The following ZFHX3 variants were observed in gnomAD, a reference collection of about 807,000 sequenced individuals.
ZFHX3 encodes zinc finger homeobox protein 3.
ZFHX3 carries 42 observed loss-of-function variants against 279.1 expected under a neutral mutation model. That is an observed-to-expected ratio of 0.15 (90% CI 0.12 to 0.19). The LOEUF (loss-of-function observed/expected upper bound fraction) is 0.19, where lower values mean the gene tolerates loss of function less well. ZFHX3 is among the 10% of genes least tolerant of loss of function. ZFHX3 has a pLI of 1.00. For missense variants in ZFHX3, 4,981 were observed against 4,754.0 expected, an observed-to-expected ratio of 1.05 and a Z score of -1.40; for synonymous variants, 2,293 against 1,957.8, an observed-to-expected ratio of 1.17 and a Z score of -4.52.
intron 3 of ZFHX3, among the ~76,000 whole-genome samples, chr16:73,329,399 T>C (rs1260550618): frequency 6.6e-6 from 1 of 152,288 alleles, no homozygotes; most frequent in African/African-American, 2.4e-5. Context: ...ATGGAGTTGT[T>C]TCTTAGCGTC....
intron 1 of ZFHX3, among the ~76,000 whole-genome samples, chr16:73,724,959 G>A (rs773178472): frequency 1.3e-5 from 2 of 152,042 alleles, no homozygotes; most frequent in Admixed American, 6.6e-5. Context: ...TGCCATAAAA[G>A]TAAAGCAAGA....
chr16:73,219,049 G>A (rs1487009869), intron 5 of ZFHX3, among the ~76,000 whole-genome samples: 1 of 152,144 alleles, frequency 6.6e-6, no homozygotes, highest in African/African-American at 2.4e-5. Context: ...CCTACAATAT[G>A]TAGCCCTTTG....
At chr16:73,172,218 C>T (rs1967545464) in intron 5 of ZFHX3, among the ~76,000 whole-genome samples, 1 of 152,224 alleles carries the variant, frequency 6.6e-6, no homozygotes. Flanking sequence ...ACAGCAAGTC[C>T]GGCAGCCCCG....
At chr16:72,826,076 G>A (rs2036921764) in intron 5 of ZFHX3, among the ~76,000 whole-genome samples, 1 of 152,100 alleles carries the variant, frequency 6.6e-6, no homozygotes, top group Admixed American at 6.6e-5. Flanking sequence ...CCAGTGCCTC[G>A]CATGGGGTAG....
At chr16:73,221,770 T>G (rs2144921156) in intron 5 of ZFHX3, among the ~76,000 whole-genome samples, 1 of 152,286 alleles carries the variant, frequency 6.6e-6, no homozygotes, top group Non-Finnish European at 1.5e-5. Context: ...TAGCAGTGAT[T>G]TGTAAACTAT....
intron 4 of ZFHX3, among the ~76,000 whole-genome samples, chr16:72,875,653 A>C (rs1373102279): frequency 6.6e-6 from 1 of 152,350 alleles, no homozygotes; most frequent in East Asian, 1.9e-4. Flanking sequence ...ATGCAGCCAA[A>C]AACTTAAAGA....
At chr16:73,535,926 G>C (rs971665982) in intron 2 of ZFHX3, among the ~76,000 whole-genome samples, 3 of 151,886 alleles carry the variant, frequency 2.0e-5, no homozygotes, top group Non-Finnish European at 4.4e-5. Context: ...GTTTCACCAT[G>C]TTAGCCAGGA....
intron 1 of ZFHX3, among the ~76,000 whole-genome samples, chr16:73,815,166 T>C (rs897509015): frequency 2.6e-5 from 4 of 152,208 alleles, no homozygotes; most frequent in Admixed American, 6.5e-5. Context: ...CCAATTATAA[T>C]AGCATCTATT....
rs551274053 is a variant in ZFHX3 at position 73,090,064 on chromosome 16, G to A, written c.-533+3171C>T. 3.3e-5 allele frequency among the ~76,000 whole-genome samples: 5 copies of A among 152,160 alleles called. No individual in the cohort carries two copies. The South Asian group carries it at 6.2e-4, about 19-fold the overall frequency. ...GCTGAGGCACTTTTTTTCCTAATCC[G>A]TGCTCTCCAAGTTCACTGTAATAAC... On this transcript the variant is annotated intron_variant, in intron 8 of 17. Transcript: ENST00000641206.
rs571638524 is a variant in ZFHX3 at position 73,844,865 on chromosome 16, GGT to G, written c.-1608+46784_-1608+46785del. 1.6e-3 allele frequency among the ~76,000 whole-genome samples: 244 copies of G among 152,054 alleles called. 1 individual carries two copies. The highest frequency in any genetic ancestry group is 5.7e-3 in the African/African-American group (236 of 41,476). On this transcript the variant is annotated intron_variant, in intron 1 of 17. Transcript: ENST00000641206. ...GGATTGATAGATGGATAGGTAGGTAGGTAGGTAGGTAGGCGGATGGTAGGAAG... is the reference window on the plus strand; with the variant it reads ...GGATTGATAGATGGATAGGTAGGTAGAGGTAGGTAGGCGGATGGTAGGAAG...
At chr16:73,532,158 C>T (rs928885485) in intron 2 of ZFHX3, among the ~76,000 whole-genome samples, 1 of 151,980 alleles carries the variant, frequency 6.6e-6, no homozygotes, top group Non-Finnish European at 1.5e-5. Context: ...TTGTCTGCGT[C>T]CCCACCCAAA....
intron 7 of ZFHX3, chr16:72,809,654 A>G (rs1458949061): frequency 6.6e-6 from 1 of 152,168 alleles, no homozygotes; most frequent in Admixed American, 6.5e-5. Context: ...ATCACTTACA[A>G]CGTTATTCAT....
intron 1 of ZFHX3, among the ~76,000 whole-genome samples, chr16:73,760,009 G>GTTT (rs5817877): frequency 0.48 from 69,003 of 144,632 alleles, 16,443 homozygotes; most frequent in Non-Finnish European, 0.52. Flanking sequence ...TCCAGGAGCT[G>GTTT]TTTTTTTTTA....
chr16:73,168,211 T>TTTTATTTCTTTCTTTCTTTC (rs71391499), intron 5 of ZFHX3, among the ~76,000 whole-genome samples: 8 of 95,222 alleles, frequency 8.4e-5, no homozygotes, highest in African/African-American at 2.8e-4. Context: ...GTTTCTTTTG[T>TTTTATTTCTTTCTTTCTTTC]TTTCTTTCTT....
Position 73,272,949 on chromosome 16 carries a change from G to A in ZFHX3, c.-1193-15813C>T, listed in dbSNP as rs115771331. On this transcript the variant is annotated intron_variant, in intron 4 of 17. Transcript: ENST00000641206. ...TTTTGTAGAGATGGGATCTCCCTAT[G>A]TTTCCTGGGCTGGTCTTGAACTACT... 4.9e-3 allele frequency among the ~76,000 whole-genome samples: 749 copies of A among 152,162 alleles called. 8 individuals carry two copies. The highest frequency in any genetic ancestry group is 0.017 in the African/African-American group (716 of 41,514).
At chr16:73,062,933 G>A (rs1399783439), upstream of ZFHX3, among the ~76,000 whole-genome samples, 1 of 152,220 alleles carries the variant, frequency 6.6e-6, no homozygotes, top group Non-Finnish European at 1.5e-5. Flanking sequence ...TTCCATAAAT[G>A]CAGACATGCC....
At chr16:73,879,883 C>T (rs1358826957) in intron 1 of ZFHX3, among the ~76,000 whole-genome samples, 1 of 151,982 alleles carries the variant, frequency 6.6e-6, no homozygotes, top group Non-Finnish European at 1.5e-5. Flanking sequence ...GTTAGATGTC[C>T]CCTGGGGAAG....
At chr16:73,509,942 T>C (rs963165492) in intron 2 of ZFHX3, among the ~76,000 whole-genome samples, 9 of 152,188 alleles carry the variant, frequency 5.9e-5, no homozygotes, top group Non-Finnish European at 1.0e-4. Flanking sequence ...GTGATCCACC[T>C]GTCTCAGCGT....
chr16:73,823,279 G>C (rs1347032743), intron 1 of ZFHX3, among the ~76,000 whole-genome samples: 1 of 152,130 alleles, frequency 6.6e-6, no homozygotes, highest in African/African-American at 2.4e-5. Context: ...ATGGCAGGCA[G>C]AGGAACTAAA....
Sources: allele counts gnomAD v4.1 joint callset (sites outside exome capture counted in the v4.1 genomes callset), GRCh38; gene constraint gnomAD v4.1.1; transcripts MANE v1.5; gene names NCBI Gene and HGNC (gene_info 2026-07-23, HGNC 2026-07-21).